The following RBFOX1 variants were observed in gnomAD, a reference collection of about 807,000 sequenced individuals.
RBFOX1 encodes the protein RNA binding protein fox-1 homolog 1.
A neutral mutation model predicts 57.7 loss-of-function variants in RBFOX1; 8 were observed. The ratio of observed to expected loss-of-function variants is 0.14; its 90% CI spans 0.08 to 0.25. RBFOX1 has a LOEUF of 0.25. RBFOX1 is among the 10% of genes least tolerant of loss of function. The pLI is 1.00. For missense variants in RBFOX1, 611 were observed against 548.5 expected (o/e 1.11, Z -1.14); for synonymous variants, 326 against 222.4 (o/e 1.47, Z -4.15).
chr16:7,564,549 A>AG (rs2091235365), intron 5 of RBFOX1, among the ~76,000 whole-genome samples: 1 of 76,484 alleles, frequency 1.3e-5, no homozygotes, highest in Non-Finnish European at 4.5e-5. Context: ...TCAAAAAAAA[A>AG]AAAAAAAAAA....
intron 3 of RBFOX1, among the ~76,000 whole-genome samples, chr16:6,865,830 A>AT (rs2059817667): frequency 6.6e-6 from 1 of 152,208 alleles, no homozygotes. Context: ...TTCAGGTACA[A>AT]TTAACTTCTC....
intron 3 of RBFOX1, among the ~76,000 whole-genome samples, chr16:7,006,877 G>A (rs2093336383): frequency 6.6e-6 from 1 of 152,184 alleles, no homozygotes; most frequent in South Asian, 2.1e-4. Flanking sequence ...TTCTGTCTGA[G>A]CCTTTGTTCT....
At chr16:5,989,883 A>ACACACACCCC (rs2060361468) in intron 4 of RBFOX1, among the ~76,000 whole-genome samples, 1 of 43,240 alleles carries the variant, frequency 2.3e-5, no homozygotes, top group African/African-American at 9.8e-5. Context: ...CACACACACC[A>ACACACACCCC]CCCCTGTTTT....
intron 2 of RBFOX1, among the ~76,000 whole-genome samples, chr16:6,513,820 A>G (rs1333405554): frequency 6.6e-6 from 1 of 152,184 alleles, no homozygotes; most frequent in Non-Finnish European, 1.5e-5. Context: ...AGAGCCAATC[A>G]GTTCAAGCGA....
rs1285864448 is a variant in RBFOX1, at chr16:5,255,172, C to T, written c.219+15067C>T. On this transcript the variant is annotated intron_variant, in intron 1 of 2. Transcript: ENST00000585867. ...GTGGTGACTAAGGCTGACCATTACC[C>T]ATAATCATGAGTATTACAGAGGCAA... Among the ~76,000 whole-genome samples, 15 of 152,130 alleles carry T rather than the reference C, an allele frequency of 9.9e-5. 1 individual carries two copies. The highest frequency in any genetic ancestry group is 9.8e-4 in the Admixed American group (15 of 15,274).
At chr16:7,569,652 C>T (rs1486375991) in intron 5 of RBFOX1, among the ~76,000 whole-genome samples, 1 of 152,172 alleles carries the variant, frequency 6.6e-6, no homozygotes, top group Non-Finnish European at 1.5e-5. Flanking sequence ...TTTAAGGGGT[C>T]ATTATGTTGT....
At chr16:7,247,567 A>G (rs1029891277) in intron 4 of RBFOX1, among the ~76,000 whole-genome samples, 4 of 152,202 alleles carry the variant, frequency 2.6e-5, no homozygotes, top group Non-Finnish European at 5.9e-5. Flanking sequence ...GAATAGTTTT[A>G]TGTTAACAAA....
At chr16:7,664,809 T>G in intron 12 of RBFOX1, 120 bp from the exon 13 acceptor site, 1 of 1,576,220 alleles carries the variant, frequency 6.3e-7, no homozygotes, top group Non-Finnish European at 8.7e-7. Context: ...GTGAAAACGA[T>G]CCTCGGTTCC....
intron 1 of RBFOX1, among the ~76,000 whole-genome samples, chr16:6,197,213 G>C (rs1452687153): frequency 6.6e-6 from 1 of 151,982 alleles, no homozygotes; most frequent in Non-Finnish European, 1.5e-5. Flanking sequence ...CCTCCCTCTG[G>C]TGGCCCCCAA....
chr16:7,085,465 A>G (rs2153804316), intron 4 of RBFOX1, among the ~76,000 whole-genome samples: 1 of 152,294 alleles, frequency 6.6e-6, no homozygotes, highest in African/African-American at 2.4e-5. Flanking sequence ...AATGAACTGC[A>G]CCGTCAGGGT....
chr16:6,316,020 C>G (rs1022806045), intron 1 of RBFOX1, among the ~76,000 whole-genome samples: 3 of 152,158 alleles, frequency 2.0e-5, no homozygotes, highest in African/African-American at 7.2e-5. Flanking sequence ...AAATTTACCT[C>G]TAAATCTTGT....
intron 2 of RBFOX1, among the ~76,000 whole-genome samples, chr16:5,510,586 T>C (rs11646195): frequency 0.51 from 77,233 of 151,708 alleles, 20,215 homozygotes; most frequent in African/African-American, 0.63. Context: ...CAGGGTGAAG[T>C]TTAGGGCTTA....
chr16:6,925,883 A>G (rs1014679277), intron 3 of RBFOX1, among the ~76,000 whole-genome samples: 6 of 152,202 alleles, frequency 3.9e-5, no homozygotes, highest in African/African-American at 7.2e-5. Flanking sequence ...ACATTTCTCT[A>G]TGTAATTTTG....
At chr16:6,499,046 C>T (rs17140359) in intron 2 of RBFOX1, among the ~76,000 whole-genome samples, 1 of 151,986 alleles carries the variant, frequency 6.6e-6, no homozygotes, top group Non-Finnish European at 1.5e-5. Flanking sequence ...TAGTAATTAA[C>T]TTATGTCACC....
intron 1 of RBFOX1, among the ~76,000 whole-genome samples, chr16:5,385,312 T>G (rs1170295744): frequency 6.6e-6 from 1 of 152,212 alleles, no homozygotes; most frequent in Non-Finnish European, 1.5e-5. Flanking sequence ...GCAGGACTTC[T>G]CAGAGCCTTT....
intron 4 of RBFOX1, among the ~76,000 whole-genome samples, chr16:5,918,510 G>A (rs76073629): frequency 0.018 from 2,763 of 152,302 alleles, 72 homozygotes; most frequent in African/African-American, 0.064. Flanking sequence ...ACCAGCACCT[G>A]ACAGATAGTA....
At chr16:7,020,065 A>T (rs13332966) in intron 3 of RBFOX1, among the ~76,000 whole-genome samples, 11,036 of 149,726 alleles carry the variant, frequency 0.074, 660 homozygotes, top group East Asian at 0.27. Context: ...TGAACCTTTC[A>T]TGTCTTCCTG....
chr16:5,268,691 C>G (rs566683296), intron 1 of RBFOX1, among the ~76,000 whole-genome samples: 1 of 152,356 alleles, frequency 6.6e-6, no homozygotes, highest in South Asian at 2.1e-4. Context: ...CTCTCTCCGT[C>G]TTTGTTCTTG....
At chr16:6,744,900 G>A (rs977511712) in intron 3 of RBFOX1, among the ~76,000 whole-genome samples, 9 of 151,916 alleles carry the variant, frequency 5.9e-5, no homozygotes, top group Non-Finnish European at 1.0e-4. Flanking sequence ...ACCAAAAGCT[G>A]GTGTTTTGAG....
Sources: allele counts gnomAD v4.1 joint callset (sites outside exome capture counted in the v4.1 genomes callset), GRCh38; gene constraint gnomAD v4.1.1; transcripts MANE v1.5; gene names NCBI Gene and HGNC (gene_info 2026-07-23, HGNC 2026-07-21).